The following ARAP2 variants were observed in gnomAD, a reference collection of about 807,000 sequenced individuals.
The protein encoded by ARAP2 is arf-GAP with Rho-GAP domain, ANK repeat and PH domain-containing protein 2.
In ARAP2, 148 loss-of-function variants were observed where a neutral mutation model predicts 194.5. That is an observed-to-expected ratio of 0.76 (90% confidence interval 0.67 to 0.87). The LOEUF (loss-of-function observed/expected upper bound fraction) is 0.87. Among genes scored for constraint, ARAP2 ranks in the 40% least tolerant of loss-of-function variants. The pLI is 0.00. For synonymous variants in ARAP2, 695 were observed against 683.5 expected (o/e 1.02, Z -0.26); for missense variants, 2,128 against 1,989.7 (o/e 1.07, Z -1.32).
chr4:36,006,335 G>A (rs1713266938), intron 10 of ARAP2: 1 of 152,204 alleles, frequency 6.6e-6, no homozygotes, highest in African/African-American at 2.4e-5. Context: ...CGTTTGGTGA[G>A]TTCTTATTGT....
At chr4:36,194,960 G>A (rs1742752243) in intron 6 of ARAP2, among the ~76,000 whole-genome samples, 1 of 151,866 alleles carries the variant, frequency 6.6e-6, no homozygotes, top group Non-Finnish European at 1.5e-5. Flanking sequence ...GAGGTGGGTG[G>A]ATCACTGGGC....
At chr4:36,056,042 T>C (rs896079179) in intron 2 of ARAP2, among the ~76,000 whole-genome samples, 1 of 152,194 alleles carries the variant, frequency 6.6e-6, no homozygotes, top group Non-Finnish European at 1.5e-5. Flanking sequence ...CTATTTTTAT[T>C]AGGTACTTGA....
intron 27 of ARAP2, among the ~76,000 whole-genome samples, chr4:36,096,287 C>T (rs796634705): frequency 2.7e-5 from 4 of 148,634 alleles, no homozygotes; most frequent in African/African-American, 1.0e-4. Flanking sequence ...ATCATCTGAA[C>T]CTGAGAGGCG....
chr4:36,136,098 C>A (rs1726645630), intron 19 of ARAP2, among the ~76,000 whole-genome samples: 2 of 151,770 alleles, frequency 1.3e-5, no homozygotes. Flanking sequence ...CATTTAATAG[C>A]ATTGGTGCAC....
intron 28 of ARAP2, among the ~76,000 whole-genome samples, chr4:36,090,541 A>G (rs752182926): frequency 6.6e-6 from 1 of 152,146 alleles, no homozygotes; most frequent in African/African-American, 2.4e-5. Context: ...CAGCACACCA[A>G]AAGGCTTATC....
At chr4:36,220,349 ATGT>A (rs1400336197) in intron 2 of ARAP2, among the ~76,000 whole-genome samples, 1 of 152,072 alleles carries the variant, frequency 6.6e-6, no homozygotes, top group African/African-American at 2.4e-5. Flanking sequence ...TTGCCAAGTG[ATGT>A]TGTAGCCATT....
intron 31 of ARAP2, among the ~76,000 whole-genome samples, 170 bp from the exon 32 acceptor site, chr4:36,073,993 A>T (rs1223069177): frequency 6.6e-6 from 1 of 152,122 alleles, no homozygotes; most frequent in Non-Finnish European, 1.5e-5. Context: ...GCTCCAGGAC[A>T]TGAAACTCTT....
intron 26 of ARAP2, among the ~76,000 whole-genome samples, chr4:36,113,592 G>C (rs1394304467): frequency 6.6e-6 from 1 of 151,832 alleles, no homozygotes; most frequent in Admixed American, 6.6e-5. Context: ...AAGACATTCT[G>C]TGTATTATTT....
intron 28 of ARAP2, among the ~76,000 whole-genome samples, chr4:36,084,751 G>A (rs746693252): frequency 3.9e-5 from 6 of 152,046 alleles, no homozygotes; most frequent in Non-Finnish European, 8.8e-5. Context: ...TAACCAGGAA[G>A]ATGATCAGAA....
At chr4:36,231,060 G>C (rs375922758) in intron 1 of ARAP2, among the ~76,000 whole-genome samples, 2 of 152,218 alleles carry the variant, frequency 1.3e-5, no homozygotes, top group East Asian at 1.9e-4. Context: ...ACCTCGGCCA[G>C]GCAAAGTGGC....
chr4:36,228,718 A>G lies in ARAP2; in HGVS notation c.769T>C (p.Leu257=), dbSNP rs940205333. The change falls in exon 2 of 33, where the codon TTG becomes CTG. Residue 257 remains leucine (L), a synonymous_variant. Transcript: ENST00000303965. ...AGGATTGGTGATGATGGAACATACAAGTCATTTACAATCATTTCTCCTTGA... is the reference window on the plus strand; with the variant it reads ...AGGATTGGTGATGATGGAACATACAGGTCATTTACAATCATTTCTCCTTGA... ...KFQGEMIVND[L]YVPSSPILAP... The G allele has an allele frequency of 6.2e-7, 1 of 1,614,004 alleles. No individual in the cohort carries two copies. The highest frequency in any genetic ancestry group is 1.3e-5 in the African/African-American group (1 of 74,920).
At position 36,165,258 on chromosome 4, in the gene ARAP2, G is replaced by C. The variant is rs763947490; in HGVS notation, c.1974-145C>G. ...TAGGCAGTTCTGGGTTGTCTTTTCT[G>C]TTAAAAATCATTTAACTTCGTCTTT... On this transcript the variant is annotated intron_variant, in intron 10 of 32. Transcript: ENST00000303965. 2.1e-5 allele frequency: 15 copies of C among 702,442 alleles called. No homozygotes were observed. The African/African-American group carries it at 2.5e-4, about 12-fold the overall frequency. 43.5% of individuals were successfully genotyped at this position (702,442 alleles called of 1,614,324 possible). A position where few individuals can be genotyped will look rare whatever the true frequency, so the allele number is the denominator to read the frequency against.
chr4:36,085,807 A>G (rs1227508078), intron 28 of ARAP2, among the ~76,000 whole-genome samples: 4 of 152,096 alleles, frequency 2.6e-5, no homozygotes, highest in African/African-American at 9.7e-5. Context: ...TTTTACTCCT[A>G]TCAGAGAAGT....
chr4:36,189,524 G>T (rs542803787), intron 7 of ARAP2, among the ~76,000 whole-genome samples: 4 of 152,142 alleles, frequency 2.6e-5, no homozygotes, highest in African/African-American at 9.6e-5. Flanking sequence ...CTAGCTATAA[G>T]TTCCTGCCCT....
chr4:36,114,384 C>A (rs1219000482), intron 25 of ARAP2, 97 bp from the exon 26 acceptor site: 2 of 752,370 alleles, frequency 2.7e-6, no homozygotes, highest in Non-Finnish European at 2.2e-6. Flanking sequence ...TTAATGATAT[C>A]TTGAATTTAT....
At position 36,210,377 on chromosome 4, in the gene ARAP2, C is replaced by A. The variant is rs769650421; in HGVS notation, c.1487+13G>T. The A allele has an allele frequency of 6.4e-7, 1 of 1,563,730 alleles. No individual in the cohort carries two copies. The highest frequency in any genetic ancestry group is 8.6e-7 in the Non-Finnish European group (1 of 1,158,160). On this transcript the variant is annotated intron_variant, in intron 6 of 32. Transcript: ENST00000303965. The stretch of plus-strand genomic sequence containing the variant: ...AAATATGCCACTTATGAAATAAATG[C>A]ATACGTACATACCCTTGAGGAGAGA...
At chr4:36,103,223 A>G (rs577479380) in intron 27 of ARAP2, among the ~76,000 whole-genome samples, 1 of 151,966 alleles carries the variant, frequency 6.6e-6, no homozygotes, top group East Asian at 1.9e-4. Context: ...AAACTTAGAA[A>G]TTCAAAGAAA....
intron 5 of ARAP2, among the ~76,000 whole-genome samples, chr4:36,026,244 C>T (rs570257210): frequency 5.3e-5 from 8 of 152,312 alleles, no homozygotes; most frequent in Admixed American, 4.6e-4. Flanking sequence ...TATCCAATGC[C>T]TGGCGAATTC....
intron 7 of ARAP2, among the ~76,000 whole-genome samples, chr4:36,188,782 T>G (rs979528289): frequency 6.6e-6 from 1 of 152,180 alleles, no homozygotes. Context: ...AACCATTCCA[T>G]GCAGGGAGCA....
Sources: allele counts gnomAD v4.1 joint callset (sites outside exome capture counted in the v4.1 genomes callset), GRCh38; gene constraint gnomAD v4.1.1; transcripts MANE v1.5; gene names NCBI Gene and HGNC (gene_info 2026-07-23, HGNC 2026-07-21).